Variants in R3HDM1 observed in about 807,000 individuals in gnomAD.
R3HDM1 encodes the protein R3H domain containing 1.
Under a neutral mutation model 141.1 loss-of-function variants are expected in R3HDM1, and 46 were observed. That is an observed-to-expected ratio of 0.33 (90% CI 0.26 to 0.42). The LOEUF (loss-of-function observed/expected upper bound fraction) is 0.42, where lower values mean the gene tolerates loss of function less well. R3HDM1 is among the 10% of genes least tolerant of loss of function. The probability of loss-of-function intolerance (pLI) is 1.00; values close to 1 mark genes in which losing one functional copy is unlikely to be tolerated. For synonymous variants in R3HDM1, 435 were observed against 472.9 expected (o/e 0.92, Z 1.04); for missense variants, 1,184 against 1,368.3 (o/e 0.87, Z 2.12).
intron 19 of R3HDM1, 85 bp from the exon 20 acceptor site, chr2:135,675,247 A>G (rs2068978984): frequency 9.8e-6 from 13 of 1,319,820 alleles, no homozygotes; most frequent in Non-Finnish European, 1.3e-5. Context: ...ATTTTAGAGC[A>G]TAAAAGTACT....
intron 1 of R3HDM1, among the ~76,000 whole-genome samples, chr2:135,558,230 C>T (rs1701145124): frequency 6.6e-6 from 1 of 152,166 alleles, no homozygotes; most frequent in African/African-American, 2.4e-5. Flanking sequence ...ACATGGTGGC[C>T]ACTAGCCATA....
chr2:135,588,778 A>T (rs1015771215), intron 1 of R3HDM1, among the ~76,000 whole-genome samples: 13 of 152,176 alleles, frequency 8.5e-5, no homozygotes, highest in African/African-American at 3.1e-4. Context: ...TTTTAAGGAT[A>T]CATAAGATAA....
intron 17 of R3HDM1, chr2:135,651,167 G>T: frequency 1.0e-6 from 1 of 985,234 alleles, no homozygotes; most frequent in Non-Finnish European, 1.2e-6. Context: ...AGGGAAGAAT[G>T]GAATGTATGG....
intron 1 of R3HDM1, among the ~76,000 whole-genome samples, chr2:135,547,644 T>G (rs1489571022): frequency 6.6e-6 from 1 of 152,094 alleles, no homozygotes; most frequent in Non-Finnish European, 1.5e-5. Context: ...CTGAATCTTA[T>G]GGCTCCTTCT....
chr2:135,652,004 A>T lies in R3HDM1; in HGVS notation c.2000A>T (p.Gln667Leu), dbSNP rs2305165. ...GTCAGCCAGCCTGTGCTCCAGCAGCAGGGATATATTCAGCAGCCATCACCA... is the reference window on the plus strand; with the variant it reads ...GTCAGCCAGCCTGTGCTCCAGCAGCTGGGATATATTCAGCAGCCATCACCA... Reference protein sequence around the residue: ...HPVSQPVLQQQGYIQQPSPQM... With the variant: ...HPVSQPVLQQLGYIQQPSPQM... Residue 667 changes from glutamine (Q) to leucine (L), a missense_variant, in exon 18 of 27, where the codon CAG (glutamine) becomes CTG (leucine). By Grantham distance (113) the Gln-to-Leu change is moderately radical. Around this residue, in one of 5 missense-constraint regions of R3HDM1, gnomAD observed 563 missense variants for 562.0 expected, o/e 1.00. Coordinates refer to ENST00000683871, the MANE Select transcript of R3HDM1 (RefSeq NM_001378107.1). The T allele has an allele frequency of 1.2e-6, 2 of 1,604,708 alleles. No homozygotes were observed. The highest frequency in any genetic ancestry group is 2.2e-5 in the East Asian group (1 of 44,832).
At chr2:135,561,382 C>G in intron 1 of R3HDM1, 7 of 934,260 alleles carry the variant, frequency 7.5e-6, no homozygotes, top group Non-Finnish European at 8.9e-6. Flanking sequence ...GGTCTGTTAA[C>G]GTGGAGAAAA....
At chr2:135,588,253 C>A (rs1167995383) in intron 1 of R3HDM1, among the ~76,000 whole-genome samples, 1 of 151,710 alleles carries the variant, frequency 6.6e-6, no homozygotes, top group Non-Finnish European at 1.5e-5. Flanking sequence ...CTCTATGTGC[C>A]CTTCTTTCTT....
At chr2:135,661,484 C>A in intron 19 of R3HDM1, 91 bp downstream of exon 19, 1 of 1,449,958 alleles carries the variant, frequency 6.9e-7, no homozygotes, top group Non-Finnish European at 9.5e-7. Context: ...CCTACTCAGT[C>A]TCTCAGGATC....
At chr2:135,713,617 A>G (rs1443114189) in intron 23 of R3HDM1, among the ~76,000 whole-genome samples, 1 of 152,232 alleles carries the variant, frequency 6.6e-6, no homozygotes, top group African/African-American at 2.4e-5. Context: ...ATTTAGGAAA[A>G]TGCCCTTAAG....
intron 21 of R3HDM1, among the ~76,000 whole-genome samples, chr2:135,681,203 T>G (rs1266799386): frequency 6.6e-6 from 1 of 152,238 alleles, no homozygotes; most frequent in African/African-American, 2.4e-5. Flanking sequence ...TACCAAACCA[T>G]TCATTTATTC....
chr2:135,534,372 C>A (rs1243958945), intron 1 of R3HDM1, among the ~76,000 whole-genome samples: 1 of 152,192 alleles, frequency 6.6e-6, no homozygotes, highest in Admixed American at 6.5e-5. Flanking sequence ...ATTGTTACAA[C>A]CATATGTGAC....
intron 21 of R3HDM1, among the ~76,000 whole-genome samples, chr2:135,705,711 A>G (rs866719312): frequency 3.9e-5 from 6 of 152,222 alleles, no homozygotes; most frequent in Middle Eastern, 6.8e-3. Context: ...TATATTTGTC[A>G]TTTTTTTTAT....
intron 19 of R3HDM1, among the ~76,000 whole-genome samples, chr2:135,665,020 A>G (rs772627212): frequency 1.6e-4 from 24 of 150,326 alleles, no homozygotes; most frequent in Middle Eastern, 3.4e-3. Context: ...TTTGTGTCTC[A>G]TGTGAGTCAT....
At chr2:135,539,043 A>G (rs541982898) in intron 1 of R3HDM1, among the ~76,000 whole-genome samples, 1 of 152,272 alleles carries the variant, frequency 6.6e-6, no homozygotes, top group South Asian at 2.1e-4. Flanking sequence ...ATTGTCTTCC[A>G]TCTTTGTATC....
intron 1 of R3HDM1, among the ~76,000 whole-genome samples, chr2:135,534,907 A>C (rs769583920): frequency 1.3e-5 from 2 of 152,230 alleles, no homozygotes; most frequent in Non-Finnish European, 2.9e-5. Flanking sequence ...TTTCTCAGAA[A>C]TAAAGTAGTG....
chr2:135,630,658 GTTC>G (rs976387064), intron 7 of R3HDM1, among the ~76,000 whole-genome samples: 1 of 152,168 alleles, frequency 6.6e-6, no homozygotes, highest in Non-Finnish European at 1.5e-5. Context: ...GGGGCTACCA[GTTC>G]TTCTATTGAA....
chr2:135,641,817 G>A (rs756615427), intron 15 of R3HDM1, 27 bp downstream of exon 15: 1 of 1,553,742 alleles, frequency 6.4e-7, no homozygotes, highest in Non-Finnish European at 8.7e-7. Context: ...AGGTGTTTCA[G>A]GAATTATCTG....
Position 135,722,503 on chromosome 2 carries a change from G to A in R3HDM1, c.2999G>A (p.Arg1000Lys). Residue 1000 changes from arginine to lysine, a missense_variant, in exon 26 of 27, where the codon AGG becomes AAG. By Grantham distance (26) the Arg-to-Lys change is conservative (BLOSUM62 2). Coordinates refer to ENST00000683871, the MANE Select transcript of R3HDM1 (RefSeq NM_001378107.1). ...GGCAGCAGGCATGGAAACCGAGGAA[G>A]GAGACAAGCTAAAAAAGCTGCATCC... Reference protein sequence around the residue: ...QPGSRHGNRGRRQAKKAASTD... With the variant: ...QPGSRHGNRGKRQAKKAASTD... The A allele has an allele frequency of 6.2e-7, 1 of 1,613,842 alleles. No individual in the cohort carries two copies. The highest frequency in any genetic ancestry group is 8.5e-7 in the Non-Finnish European group (1 of 1,180,012).
intron 16 of R3HDM1, among the ~76,000 whole-genome samples, chr2:135,646,856 A>T (rs2064497982): frequency 6.7e-6 from 1 of 149,132 alleles, no homozygotes. Flanking sequence ...AAAAAAAAAA[A>T]TTAAATAAAT....
Sources: gnomAD v4.1 joint callset for allele counts (sites outside exome capture counted in the v4.1 genomes callset) on GRCh38, gnomAD v4.1.1 for gene constraint, gnomAD v4.1.1 regional missense constraint, MANE v1.5 for transcripts, NCBI Gene and HGNC (gene_info 2026-07-23, HGNC 2026-07-21) for gene names.